The following MROH2B variants were observed in gnomAD, a reference collection of about 807,000 sequenced individuals.
MROH2B encodes the protein maestro heat-like repeat-containing protein family member 2B.
MROH2B carries 177 observed loss-of-function variants against 208.6 expected under a neutral mutation model. The observed-to-expected ratio is 0.85, with a 90% CI of 0.75 to 0.96. The LOEUF (loss-of-function observed/expected upper bound fraction) is 0.96, where lower values mean the gene tolerates loss of function less well. Among genes scored for constraint, MROH2B ranks in the 40% least tolerant of loss-of-function variants. The pLI, the probability that MROH2B is intolerant of heterozygous loss-of-function variation, is 0.00. For missense variants in MROH2B, 2,002 were observed against 1,878.7 expected, an observed-to-expected ratio of 1.07 and a Z score of -1.21; for synonymous variants, 728 against 659.0, an observed-to-expected ratio of 1.10 and a Z score of -1.60.
chr5:41,018,243 T>C, intron 27 of MROH2B, 98 bp downstream of exon 27: 2 of 1,248,664 alleles, frequency 1.6e-6, no homozygotes, highest in East Asian at 5.0e-5. Flanking sequence ...CACTCTGAGA[T>C]GCACGATCCA....
chr5:41,047,761 T>C lies in MROH2B; in HGVS notation c.1688A>G (p.Lys563Arg), dbSNP rs2150174704. The C allele has an allele frequency of 6.3e-7, 1 of 1,588,370 alleles. No homozygotes were observed. Among genetic ancestry groups the C allele is most frequent in the Non-Finnish European group, 8.6e-7 (1 of 1,166,268 alleles). The change falls in exon 17 of 42, where the codon AAG becomes AGG. Residue 563 changes from lysine to arginine, a missense_variant. Coordinates refer to ENST00000399564, the MANE Select transcript of MROH2B (RefSeq NM_173489.5). ...LPELLQPLEG[K>R]NISTVLWETM... ...TTCCCATAGAACGGTACTGATGTTC[T>C]TTCCTAGAAACAAAAATTGATGTAA...
At chr5:41,016,031 T>C (rs899207624) in intron 28 of MROH2B, among the ~76,000 whole-genome samples, 5 of 152,186 alleles carry the variant, frequency 3.3e-5, no homozygotes, top group Admixed American at 1.3e-4. Flanking sequence ...ATATTAATCA[T>C]GGAAACTAAC....
At chr5:41,029,789 G>A (rs1441472542) in intron 24 of MROH2B, among the ~76,000 whole-genome samples, 1 of 152,044 alleles carries the variant, frequency 6.6e-6, no homozygotes, top group African/African-American at 2.4e-5. Flanking sequence ...AAATTTCTGT[G>A]CATCTCGGGA....
intron 21 of MROH2B, among the ~76,000 whole-genome samples, chr5:41,034,539 T>G (rs1331703986): frequency 6.6e-6 from 1 of 152,104 alleles, no homozygotes; most frequent in Non-Finnish European, 1.5e-5. Context: ...GTCCATTAGA[T>G]TTCAGATAAC....
intron 27 of MROH2B, 87 bp downstream of exon 27, chr5:41,018,254 T>C: frequency 1.5e-6 from 2 of 1,329,992 alleles, no homozygotes; most frequent in South Asian, 2.7e-5. Flanking sequence ...GCACGATCCA[T>C]CATGCAGGAG....
chr5:41,066,780 T>C (rs1743826518), intron 3 of MROH2B, among the ~76,000 whole-genome samples: 1 of 152,202 alleles, frequency 6.6e-6, no homozygotes, highest in Admixed American at 6.5e-5. Context: ...ATAAGTCATA[T>C]AGAAGCCAAG....
intron 26 of MROH2B, 87 bp downstream of exon 26, chr5:41,018,604 G>T: frequency 1.1e-5 from 17 of 1,516,992 alleles, no homozygotes; most frequent in Non-Finnish European, 1.5e-5. Context: ...ATGTCTTCAT[G>T]TAAGGAAAAT....
At chr5:41,026,910 C>T (rs1350593881) in intron 24 of MROH2B, among the ~76,000 whole-genome samples, 1 of 152,160 alleles carries the variant, frequency 6.6e-6, no homozygotes, top group African/African-American at 2.4e-5. Flanking sequence ...TGATCTTTGA[C>T]AAACCTGACG....
chr5:41,025,233 A>C (rs1038957522), intron 24 of MROH2B, among the ~76,000 whole-genome samples: 1 of 152,166 alleles, frequency 6.6e-6, no homozygotes, highest in Non-Finnish European at 1.5e-5. Flanking sequence ...TCAAAAAATC[A>C]ATGAATCTAG....
chr5:41,048,197 C>T (rs1305982647), intron 16 of MROH2B, 127 bp downstream of exon 16: 10 of 1,163,630 alleles, frequency 8.6e-6, no homozygotes, highest in Non-Finnish European at 9.4e-6. Flanking sequence ...TAGCTATCTA[C>T]CTTGCATATC....
intron 24 of MROH2B, among the ~76,000 whole-genome samples, chr5:41,031,308 C>T (rs1020078126): frequency 1.3e-5 from 2 of 152,056 alleles, no homozygotes; most frequent in African/African-American, 4.8e-5. Flanking sequence ...TATCAGATCT[C>T]ATGAGAACTC....
chr5:41,053,595 T>G (rs1181953581), intron 11 of MROH2B, among the ~76,000 whole-genome samples: 1 of 152,172 alleles, frequency 6.6e-6, no homozygotes, highest in African/African-American at 2.4e-5. Context: ...AGTTATATGG[T>G]GGCCAAAACA....
In MROH2B at chr5:41,050,836, G is replaced by A. The variant is rs145919089; in HGVS notation, c.1344+141C>T. On this transcript the variant is annotated intron_variant, in intron 13 of 41. Transcript: ENST00000399564. Reference sequence around the variant, plus strand: ...GAGGAACCACTATGTGTTGGACACAGCGTTGCAATATACTTCCTCTAGTCA... The same window carrying A: ...GAGGAACCACTATGTGTTGGACACAACGTTGCAATATACTTCCTCTAGTCA... 2.7e-4 allele frequency: 160 copies of A among 599,548 alleles called. No individual in the cohort carries two copies. In the East Asian group the frequency reaches 4.6e-3, roughly 17 times the overall value. 37.1% of individuals were successfully genotyped at this position (599,548 alleles called of 1,614,324 possible). A position where few individuals can be genotyped will look rare whatever the true frequency, so the allele number is the denominator to read the frequency against.
intron 34 of MROH2B, 61 bp downstream of exon 34, chr5:41,007,253 T>G: frequency 7.4e-7 from 1 of 1,356,742 alleles, no homozygotes; most frequent in Non-Finnish European, 9.6e-7. Flanking sequence ...ATTGCACTTT[T>G]GTTTGTTTGT....
At position 41,055,745 on chromosome 5, in the gene MROH2B, C is replaced by G; in HGVS notation, c.1030G>C (p.Asp344His). Residue 344 changes from aspartate (D) to histidine (H), a missense_variant, in exon 10 of 42, where the codon GAT becomes CAT. Coordinates refer to ENST00000399564, the MANE Select transcript of MROH2B (RefSeq NM_173489.5). ...TGGCTTCAACCCTCTTGCTTACCAT[C>G]AGCATTGACAGCCAATCTTAACAAA... ...LTLLRLAVNA[D>H]EPRLRDHIIS... is the part of the protein sequence containing the mutation. 1 of 1,612,342 alleles carries G rather than the reference C, an allele frequency of 6.2e-7. No homozygotes were observed.
chr5:41,032,918 A>G (rs756391715), intron 23 of MROH2B, 97 bp from the exon 24 acceptor site: 48 of 1,550,638 alleles, frequency 3.1e-5, no homozygotes, highest in Non-Finnish European at 3.9e-5. Context: ...GCCCTGGGTC[A>G]TAAACAAGGC....
rs1743924622 is a variant in MROH2B at position 41,069,705 on chromosome 5, C to A, written c.76G>T (p.Asp26Tyr). 3 of 1,605,396 alleles carry A rather than the reference C, an allele frequency of 1.9e-6. No individual in the cohort carries two copies. The highest frequency in any genetic ancestry group is 2.7e-5 in the African/African-American group (2 of 74,776). The change falls in exon 2 of 42, where the codon GAT becomes TAT. Residue 26 changes from aspartate to tyrosine, a missense_variant. Coordinates refer to ENST00000399564, the MANE Select transcript of MROH2B (RefSeq NM_173489.5). The stretch of plus-strand genomic sequence containing the variant: ...GTTTTCCCTACCTTGTTAACAATAT[C>A]TTCCTTGTTCAGCATGCCAAGAGTG... ...NLTLGMLNKE[D>Y]IVNKEDIYSH...
In MROH2B at chr5:41,005,420, C is replaced by CCA. The variant is rs1554046611; in HGVS notation, c.3864+110_3864+111insTG. 79 of 230,378 alleles carry CCA rather than the reference C, an allele frequency of 3.4e-4. 12 individuals are homozygous for CCA. The highest frequency in any genetic ancestry group is 4.0e-4 in the Non-Finnish European group (47 of 118,418). 14.3% of individuals were successfully genotyped at this position (230,378 alleles called of 1,614,324 possible). ...TGGTCTCTCCTCTATGAAACCCCCC[C>CCA]CCCCCTTGAAGTCTCTCTTCCCTGG... On this transcript the variant is annotated intron_variant, in intron 35 of 41. Transcript: ENST00000399564.
At chr5:41,011,826 C>T (rs968250460) in intron 30 of MROH2B, among the ~76,000 whole-genome samples, 28 of 152,048 alleles carry the variant, frequency 1.8e-4, no homozygotes, top group Admixed American at 4.6e-4. Context: ...TGCCACCATG[C>T]GCAGCTAAGT....
Sources: gnomAD v4.1 joint callset for allele counts (sites outside exome capture counted in the v4.1 genomes callset) on GRCh38, gnomAD v4.1.1 for gene constraint, MANE v1.5 for transcripts, NCBI Gene and HGNC (gene_info 2026-07-23, HGNC 2026-07-21) for gene names.